The following LAMA5 variants were observed in gnomAD, a reference collection of about 807,000 sequenced individuals.
The protein encoded by LAMA5 is laminin subunit alpha-5.
Under a neutral mutation model 433.4 loss-of-function variants are expected in LAMA5, and 260 were observed. The observed-to-expected ratio is 0.60, with a 90% CI of 0.54 to 0.66. The LOEUF is 0.66. Among genes scored for constraint, LAMA5 ranks in the 30% least tolerant of loss-of-function variants. The probability of loss-of-function intolerance (pLI) is 0.00; values close to 1 mark genes in which losing one functional copy is unlikely to be tolerated. For synonymous variants in LAMA5, 2,620 were observed against 2,226.6 expected (o/e 1.18, Z -4.97); for missense variants, 5,378 against 5,258.5 (o/e 1.02, Z -0.70).
At chr20:62,317,579 A>C in intron 54 of LAMA5, 80 bp from the exon 55 acceptor site, 2 of 1,523,380 alleles carry the variant, frequency 1.3e-6, no homozygotes, top group Non-Finnish European at 1.8e-6. Context: ...TCTGCACGCA[A>C]GTGTGCACAC....
intron 49 of LAMA5, 31 bp from the exon 50 acceptor site, chr20:62,320,700 T>C (rs1294693037): frequency 1.2e-6 from 2 of 1,612,054 alleles, no homozygotes; most frequent in Non-Finnish European, 8.5e-7. Flanking sequence ...AGGCCTGCAC[T>C]GGCCCGGGTT....
rs1210257763 is a variant in LAMA5, at chr20:62,328,938, C to A, written c.4353G>T (p.Glu1451Asp). The change falls in exon 34 of 80, where the codon GAG becomes GAT. Residue 1451 changes from glutamate to aspartate, a missense_variant. Coordinates refer to ENST00000252999, the MANE Select transcript of LAMA5 (RefSeq NM_005560.6). The part of the protein sequence containing the change: ...HEVGATGPTC[E>D]PFGGQCPCHA... ...GGCAGGGACACTGGCCCCCGAAGGG[C>A]TCACACGTGGGGCCTGTAGCACCTA... 1.9e-6 allele frequency: 3 copies of A among 1,611,508 alleles called. No homozygotes were observed. The African/African-American group carries it at 4.0e-5, about 22-fold the overall frequency.
At chr20:62,360,899 G>A (rs1190404256) in intron 2 of LAMA5, among the ~76,000 whole-genome samples, 1 of 152,108 alleles carries the variant, frequency 6.6e-6, no homozygotes, top group Non-Finnish European at 1.5e-5. Context: ...GGGTGGTGGA[G>A]CCCAGGCTCG....
chr20:62,364,521 G>A (rs1986504858), intron 1 of LAMA5, among the ~76,000 whole-genome samples: 1 of 152,232 alleles, frequency 6.6e-6, no homozygotes, highest in Non-Finnish European at 1.5e-5. Flanking sequence ...CTGAGCCACA[G>A]AGGACAGGGT....
chr20:62,334,708 G>A (rs1981208326), intron 20 of LAMA5, 87 bp from the exon 21 acceptor site: 2 of 1,019,664 alleles, frequency 2.0e-6, no homozygotes, highest in East Asian at 2.9e-5. Context: ...AAGCCTGCCT[G>A]GGGCTCTCTG....
intron 3 of LAMA5, among the ~76,000 whole-genome samples, chr20:62,352,570 G>A (rs1246283084): frequency 3.9e-5 from 6 of 151,996 alleles, no homozygotes; most frequent in African/African-American, 7.2e-5. Context: ...CGCTTTGAGT[G>A]CGAGTGACCC....
At chr20:62,313,561 A>T in intron 63 of LAMA5, 88 bp downstream of exon 63, 1 of 1,572,144 alleles carries the variant, frequency 6.4e-7, no homozygotes. Flanking sequence ...CTGAGGCAAG[A>T]TACCAAAAGA....
At chr20:62,316,462 G>A (rs376556299) in intron 57 of LAMA5, 28 of 523,572 alleles carry the variant, frequency 5.3e-5, no homozygotes, top group Middle Eastern at 5.0e-4. Context: ...CCAGTGCCTC[G>A]CAGGAGGCTG....
chr20:62,358,785 A>G (rs77446878), intron 2 of LAMA5, among the ~76,000 whole-genome samples: 9,672 of 152,140 alleles, frequency 0.064, 354 homozygotes, highest in South Asian at 0.16. Flanking sequence ...AGTTTCCCCA[A>G]GTGCCTAGGG....
chr20:62,325,623 CCCTGT>C, intron 40 of LAMA5, 77 bp from the exon 41 acceptor site: 1 of 957,222 alleles, frequency 1.0e-6, no homozygotes, highest in Non-Finnish European at 1.6e-6. Flanking sequence ...GACCCCCCAA[CCCTGT>C]AGGGGATGGA....
At chr20:62,328,748 G>A (rs371006915) in intron 34 of LAMA5, 96 bp downstream of exon 34, 22 of 1,260,150 alleles carry the variant, frequency 1.7e-5, no homozygotes, top group African/African-American at 1.4e-4. Context: ...CCAGGCTCTA[G>A]AACATTCTCC....
In LAMA5 at chr20:62,310,266, A is replaced by G. The variant is rs1986084826; in HGVS notation, c.10646T>C (p.Val3549Ala). 2 of 1,611,362 alleles carry G rather than the reference A, an allele frequency of 1.2e-6. No individual in the cohort carries two copies. Among genetic ancestry groups the G allele is most frequent in the Non-Finnish European group, 1.7e-6 (2 of 1,179,326 alleles). ...CAGTCCGGTGACTGCCAGGGGCCGC[A>G]CCTCCAGTTCCAGGCCCACATCAGG... ...TLPDVGLELEVRPLAVTGLIF... is the reference protein window; with the variant it reads ...TLPDVGLELEARPLAVTGLIF... The change falls in exon 77 of 80, where the codon GTG becomes GCG. Residue 3549 changes from valine (V) to alanine (A), a missense_variant. Coordinates refer to ENST00000252999, the MANE Select transcript of LAMA5 (RefSeq NM_005560.6).
In LAMA5 at chr20:62,324,738, C is replaced by G; in HGVS notation, c.5530-184G>C. The stretch of plus-strand genomic sequence containing the variant: ...TGGCCTCGGCCGGCTGGAGGTGGGC[C>G]AGCACCTGGCTGCTGTTTGAGGACA... On this transcript the variant is annotated intron_variant, in intron 41 of 79. Transcript: ENST00000252999. This position sits in a 1 kb window ranked among gnomAD's most constrained non-coding sequence, Gnocchi z 4.4. 1 of 588,298 alleles carries G rather than the reference C, an allele frequency of 1.7e-6. No homozygotes were observed. 36.4% of individuals were successfully genotyped at this position (588,298 alleles called of 1,614,324 possible). A position where few individuals can be genotyped will look rare whatever the true frequency, so the allele number is the denominator to read the frequency against.
intron 1 of LAMA5, among the ~76,000 whole-genome samples, chr20:62,363,999 G>A (rs1159957689): frequency 6.6e-6 from 1 of 152,174 alleles, no homozygotes; most frequent in East Asian, 1.9e-4. Context: ...TTTACTGCAT[G>A]TATGAGACCT....
chr20:62,336,105 T>G (rs1363928659), intron 18 of LAMA5, among the ~76,000 whole-genome samples: 1 of 78,118 alleles, frequency 1.3e-5, no homozygotes, highest in Non-Finnish European at 2.5e-5. Context: ...CCCCCAATAC[T>G]CCCTCAGGGC....
rs1307052941 is a variant in LAMA5 at position 62,359,167 on chromosome 20, G to A, written c.450+3233C>T. On this transcript the variant is annotated intron_variant, in intron 2 of 79. Transcript: ENST00000252999. This position sits in a 1 kb window ranked among gnomAD's most constrained non-coding sequence, Gnocchi z 4.3. ...AGAACAAAGCAGGGGCCTCCCTACC[G>A]GAAGGGGGCCCGTGCGTCCTCACTC... Among the ~76,000 whole-genome samples the A allele has an allele frequency of 1.3e-5, 2 of 152,162 alleles. No homozygotes were observed. The highest frequency in any genetic ancestry group is 6.5e-5 in the Admixed American group (1 of 15,284).
rs1986588823 is a variant in LAMA5 at position 62,313,763 on chromosome 20, T to C, written c.8544A>G (p.Arg2848=). ...CACCCTTGGTTTCCTGGATCATCTGTCTCTCCACTGTGACGGACATGTGGC... is the reference window on the plus strand; with the variant it reads ...CACCCTTGGTTTCCTGGATCATCTGCCTCTCCACTGTGACGGACATGTGGC... ...QFGHMSVTVE[R]QMIQETKGDT... is the part of the protein sequence containing the mutation. The change falls in exon 63 of 80, where the codon AGA becomes AGG. Residue 2848 remains arginine, a synonymous_variant. Transcript: ENST00000252999. The C allele has an allele frequency of 6.2e-6, 10 of 1,612,766 alleles. No individual in the cohort carries two copies. The highest frequency in any genetic ancestry group is 8.5e-6 in the Non-Finnish European group (10 of 1,179,942).
Position 62,317,478 on chromosome 20 carries a change from T to G in LAMA5, c.7378A>C (p.Ser2460Arg). The G allele has an allele frequency of 6.4e-7, 1 of 1,555,838 alleles. No homozygotes were observed. Among genetic ancestry groups the G allele is most frequent in the Non-Finnish European group, 8.7e-7 (1 of 1,147,966 alleles). Residue 2460 changes from serine to arginine, a missense_variant, in exon 55 of 80, where the codon AGC (serine) becomes CGC (arginine). Transcript: ENST00000252999. ...AGTGGGGTCCGAGCCCCATCCAGGCTGGCGGCGAGGCGCTCCAGCTCCTGG... is the reference window on the plus strand; with the variant it reads ...AGTGGGGTCCGAGCCCCATCCAGGCGGGCGGCGAGGCGCTCCAGCTCCTGG... Reference protein sequence around the residue: ...AKEELERLAASLDGARTPLLQ... With the variant: ...AKEELERLAARLDGARTPLLQ...
At position 62,313,007 on chromosome 20, in the gene LAMA5, G is replaced by A; in HGVS notation, c.8959C>T (p.Gln2987Ter). ...GVLFFLKQQS[Q>*]FLCLAVQEGS... is the part of the protein sequence containing the mutation. ...TCTTGCACGGCCAAGCACAGGAACT[G>A]GCTCTGCAGAAACAGGGCAGGGTTA... The change falls in exon 66 of 80, where the codon CAG (glutamine) becomes TAG (stop). Residue 2987 changes from glutamine to a stop codon, truncating the protein, a stop_gained. Coordinates refer to ENST00000252999, the MANE Select transcript of LAMA5 (RefSeq NM_005560.6). LOFTEE classifies it high-confidence loss of function. 1.3e-6 allele frequency: 2 copies of A among 1,583,018 alleles called. No homozygotes were observed. The highest frequency in any genetic ancestry group is 8.6e-7 in the Non-Finnish European group (1 of 1,162,368).
Sources: gnomAD v4.1 joint callset for allele counts (sites outside exome capture counted in the v4.1 genomes callset) on GRCh38, gnomAD v4.1.1 for gene constraint, Gnocchi (gnomAD v3.1) non-coding constraint, MANE v1.5 for transcripts, NCBI Gene and HGNC (gene_info 2026-07-23, HGNC 2026-07-21) for gene names.